The following MAP3K4 variants were observed in gnomAD, a reference collection of about 807,000 sequenced individuals.
MAP3K4 encodes mitogen-activated protein kinase kinase kinase 4, also known as MAP three kinase 1.
In MAP3K4, 67 loss-of-function variants were observed where a neutral mutation model predicts 185.6. The observed-to-expected ratio is 0.36, with a 90% CI of 0.30 to 0.44. MAP3K4 has a LOEUF of 0.44. Among genes scored for constraint, MAP3K4 ranks in the 20% least tolerant of loss-of-function variants. MAP3K4 has a pLI of 1.00. For synonymous variants in MAP3K4, 702 were observed against 710.4 expected, an observed-to-expected ratio of 0.99 and a Z score of 0.19; for missense variants, 1,551 against 1,995.1, an observed-to-expected ratio of 0.78 and a Z score of 4.24.
intron 1 of MAP3K4, among the ~76,000 whole-genome samples, chr6:161,012,910 T>C (rs1023750524): frequency 1.3e-5 from 2 of 152,174 alleles, no homozygotes; most frequent in African/African-American, 4.8e-5. Context: ...AATGGTCCCA[T>C]CATATTTCAT....
intron 2 of MAP3K4, among the ~76,000 whole-genome samples, chr6:161,036,968 G>A (rs1365828350): frequency 6.6e-6 from 1 of 152,182 alleles, no homozygotes; most frequent in Non-Finnish European, 1.5e-5. Flanking sequence ...CTTTAAACCT[G>A]TACTTATTTT....
rs1583198852 is a variant in MAP3K4 at position 161,074,816 on chromosome 6, C to T, written c.2097+1204C>T. 6.6e-6 allele frequency among the ~76,000 whole-genome samples: 1 copy of T among 152,198 alleles called. No individual in the cohort carries two copies. Among genetic ancestry groups the T allele is most frequent in the Admixed American group, 6.5e-5 (1 of 15,282 alleles). Reference sequence around the variant, plus strand: ...GGCTGCAGCACCTACAGATACCACTCTCACTTTCTAAGCGGGAAGAAAAGG... The same window carrying T: ...GGCTGCAGCACCTACAGATACCACTTTCACTTTCTAAGCGGGAAGAAAAGG... On this transcript the variant is annotated intron_variant, in intron 5 of 26. Coordinates refer to ENST00000392142, the MANE Select transcript of MAP3K4 (RefSeq NM_005922.4). The surrounding 1 kb of genome is among the most constrained non-coding windows in gnomAD (Gnocchi z 5.0).
intron 3 of MAP3K4, among the ~76,000 whole-genome samples, chr6:161,065,645 A>G (rs906566714): frequency 6.6e-6 from 1 of 152,182 alleles, no homozygotes; most frequent in Non-Finnish European, 1.5e-5. Context: ...TTCGGATTTT[A>G]GAATATTTGT....
intron 1 of MAP3K4, chr6:160,992,385 C>T (rs1780766613): frequency 1.8e-5 from 8 of 440,954 alleles, no homozygotes; most frequent in Admixed American, 1.3e-4. Flanking sequence ...GAGCAGAGTG[C>T]GGCTGCCTCC....
At chr6:161,002,050 GTT>G (rs77347524) in intron 1 of MAP3K4, among the ~76,000 whole-genome samples, 30 of 112,396 alleles carry the variant, frequency 2.7e-4, no homozygotes, top group South Asian at 1.2e-3. Flanking sequence ...TAAGAAAAAG[GTT>G]TTTTTTTTTT....
At chr6:161,029,066 A>G (rs900464471) in intron 1 of MAP3K4, among the ~76,000 whole-genome samples, 8 of 152,190 alleles carry the variant, frequency 5.3e-5, no homozygotes, top group African/African-American at 1.7e-4. Context: ...CCTTCTGCCT[A>G]TGTCCCTCCT....
chr6:161,080,941 C>T lies in MAP3K4; in HGVS notation c.2158C>T (p.His720Tyr). 2 of 1,614,000 alleles carry T rather than the reference C, an allele frequency of 1.2e-6. No individual in the cohort carries two copies. The highest frequency in any genetic ancestry group is 1.7e-6 in the Non-Finnish European group (2 of 1,179,978). Reference sequence around the variant, plus strand: ...GCTACAGCAATTACCTCAAGCATCGCATAGTTTAAAAAATCTGTTAGAAGA... The same window carrying T: ...GCTACAGCAATTACCTCAAGCATCGTATAGTTTAAAAAATCTGTTAGAAGA... ...QMLQQLPQAS[H>Y]SLKNLLEEEW... Residue 720 changes from histidine (H) to tyrosine (Y), a missense_variant, in exon 6 of 27, where the codon CAT (histidine) becomes TAT (tyrosine). His to Tyr is a moderately conservative substitution (Grantham distance 83, BLOSUM62 2). Around this residue, in one of 16 missense-constraint regions of MAP3K4, gnomAD observed 130 missense variants for 171.3 expected, o/e 0.76. Coordinates refer to ENST00000392142, the MANE Select transcript of MAP3K4 (RefSeq NM_005922.4). This position sits in a 1 kb window ranked among gnomAD's most constrained non-coding sequence, Gnocchi z 4.8.
Position 161,091,683 on chromosome 6 carries a change from C to A in MAP3K4, c.3135+143C>A. On this transcript the variant is annotated intron_variant, in intron 12 of 26. Transcript: ENST00000392142. This position sits in a 1 kb window ranked among gnomAD's most constrained non-coding sequence, Gnocchi z 5.5. ...ATCATCTTATATCACTGCTGTATAT[C>A]AGAGATGTTAGTTTACTTTTAAACT... is the stretch of plus-strand genomic sequence containing the variant. The A allele has an allele frequency of 1.3e-6, 1 of 744,382 alleles. No individual in the cohort carries two copies. Among genetic ancestry groups the A allele is most frequent in the Non-Finnish European group, 2.2e-6 (1 of 460,898 alleles). The allele number at this position is 744,382 out of a possible 1,614,324, so 46.1% of individuals were successfully genotyped here.
chr6:161,111,945 C>T lies in MAP3K4; in HGVS notation c.4506C>T (p.Thr1502=), dbSNP rs1477185003. Residue 1502 remains threonine (T), a synonymous_variant, in exon 24 of 27, where the codon ACC becomes ACT. Coordinates refer to ENST00000392142, the MANE Select transcript of MAP3K4 (RefSeq NM_005922.4). ...AQTMPGEVNS[T]LGTAAYMAPE... is the part of the protein sequence containing the mutation. Reference sequence around the variant, plus strand: ...CCATGCCTGGTGAAGTGAACAGCACCCTGGGGACAGCAGGTAGGGACCAGC... The same window carrying T: ...CCATGCCTGGTGAAGTGAACAGCACTCTGGGGACAGCAGGTAGGGACCAGC... 1.2e-6 allele frequency: 2 copies of T among 1,613,890 alleles called. No individual in the cohort carries two copies.
intron 1 of MAP3K4, among the ~76,000 whole-genome samples, chr6:160,994,701 G>GT (rs910009539): frequency 1.3e-5 from 2 of 151,928 alleles, no homozygotes; most frequent in Non-Finnish European, 2.9e-5. Flanking sequence ...TAGTTTTTAG[G>GT]TTTTTTTAGT....
At position 161,101,320 on chromosome 6, in the gene MAP3K4, C is replaced by T. The variant is rs997870286; in HGVS notation, c.3675-572C>T. The T allele has an allele frequency of 7.2e-5, 11 of 152,104 alleles. No homozygotes were observed. The highest frequency in any genetic ancestry group is 2.7e-4 in the African/African-American group (11 of 41,422). The allele number at this position is 152,104 out of a possible 1,614,324, so 9.4% of individuals were successfully genotyped here. On this transcript the variant is annotated intron_variant, in intron 17 of 26. Transcript: ENST00000392142. This position sits in a 1 kb window ranked among gnomAD's most constrained non-coding sequence, Gnocchi z 5.1. ...TTGAGAAACCTTTAGGTATTCCCTT[C>T]CATTTTCTTACTGAGAGATTTGGAA... is the stretch of plus-strand genomic sequence containing the variant.
In MAP3K4 at chr6:161,008,795, A is replaced by G. The variant is rs56928446; in HGVS notation, c.152+16712A>G. 7.9e-3 allele frequency among the ~76,000 whole-genome samples: 1,207 copies of G among 152,194 alleles called. 14 individuals carry two copies. The highest frequency in any genetic ancestry group is 0.027 in the African/African-American group (1,126 of 41,524). ...ATCCTGACATTTACTGATATTTTAC[A>G]TCTACTACTTTCACTCAGCATGGTG... On this transcript the variant is annotated intron_variant, in intron 1 of 26. Transcript: ENST00000392142. The surrounding 1 kb of genome is among the most constrained non-coding windows in gnomAD (Gnocchi z 4.1).
rs1472651458 is a variant in MAP3K4, at chr6:161,106,826, A to AT, written c.4048+123dup. 1.4e-6 allele frequency: 1 copy of AT among 714,070 alleles called. No homozygotes were observed. The highest frequency in any genetic ancestry group is 2.9e-5 in the East Asian group (1 of 34,006). The allele number at this position is 714,070 out of a possible 1,614,324, so 44.2% of individuals were successfully genotyped here. On this transcript the variant is annotated intron_variant, in intron 20 of 26. Transcript: ENST00000392142. This position sits in a 1 kb window ranked among gnomAD's most constrained non-coding sequence, Gnocchi z 4.9. ...TTTCTTGTAGACATAGCAAGTATGC[A>AT]TTGTTATCTTTTTGCAAAGTGGTCT...
At position 161,056,818 on chromosome 6, in the gene MAP3K4, C is replaced by G. The variant is rs116271577; in HGVS notation, c.1707+6839C>G. Among the ~76,000 whole-genome samples the G allele has an allele frequency of 6.7e-4, 102 of 152,278 alleles. No individual in the cohort carries two copies. Among genetic ancestry groups the G allele is most frequent in the African/African-American group, 2.4e-3 (101 of 41,546 alleles). On this transcript the variant is annotated intron_variant, in intron 3 of 26. Transcript: ENST00000392142. This position sits in a 1 kb window ranked among gnomAD's most constrained non-coding sequence, Gnocchi z 5.4. ...ATTTAATTAGATTCATTTATTTCAT[C>G]TGCGTTGCATCCTGGGATCCTCCAA... is the stretch of plus-strand genomic sequence containing the variant.
At chr6:160,999,441 T>C (rs1170101224) in intron 1 of MAP3K4, among the ~76,000 whole-genome samples, 1 of 152,246 alleles carries the variant, frequency 6.6e-6, no homozygotes, top group Non-Finnish European at 1.5e-5. Flanking sequence ...GTTAAGTATT[T>C]AGTTCTTACT....
In MAP3K4 at chr6:161,084,914, A is replaced by C. The variant is rs1318677055; in HGVS notation, c.2372+297A>C. ...GTAATCCCAGTACTTTGGGAGGCCG[A>C]GGTGGGTGAATCACCAGGTCAGGAG... On this transcript the variant is annotated intron_variant, in intron 7 of 26. Coordinates refer to ENST00000392142, the MANE Select transcript of MAP3K4 (RefSeq NM_005922.4). The surrounding 1 kb of genome is among the most constrained non-coding windows in gnomAD (Gnocchi z 4.6). Among the ~76,000 whole-genome samples, 2 of 152,188 alleles carry C rather than the reference A, an allele frequency of 1.3e-5. No individual in the cohort carries two copies. The highest frequency in any genetic ancestry group is 2.9e-5 in the Non-Finnish European group (2 of 68,032).
chr6:161,097,283 T>A lies in MAP3K4; in HGVS notation c.3524+107T>A. 1.1e-6 allele frequency: 1 copy of A among 903,792 alleles called. No individual in the cohort carries two copies. The allele number at this position is 903,792 out of a possible 1,614,324, so 56.0% of individuals were successfully genotyped here. ...TGCTCTGAGAGCTAAATACCTTTTC[T>A]GCATTGTTCGTACGTAAAAGCTCTT... On this transcript the variant is annotated intron_variant, in intron 16 of 26. Coordinates refer to ENST00000392142, the MANE Select transcript of MAP3K4 (RefSeq NM_005922.4). This position sits in a 1 kb window ranked among gnomAD's most constrained non-coding sequence, Gnocchi z 4.9.
rs138686807 is a variant in MAP3K4 at position 161,034,330 on chromosome 6, C to A, written c.224C>A (p.Thr75Lys). 2 of 1,613,900 alleles carry A rather than the reference C, an allele frequency of 1.2e-6. No individual in the cohort carries two copies. The highest frequency in any genetic ancestry group is 3.3e-5 in the Admixed American group (2 of 60,010). Residue 75 changes from threonine (T) to lysine (K), a missense_variant, in exon 2 of 27, where the codon ACA becomes AAA. By Grantham distance (78) the Thr-to-Lys change is moderately conservative. This residue lies in a region of MAP3K4 where 287 missense variants were observed against 268.8 expected (regional missense o/e 1.07). Transcript: ENST00000392142. This position sits in a 1 kb window ranked among gnomAD's most constrained non-coding sequence, Gnocchi z 4.4. ...GATCTAGAAGACTTCTCCGATGAAA[C>A]AAATACAGAGAATCTTTATGGTACC... The part of the protein sequence containing the change: ...ESDLEDFSDE[T>K]NTENLYGTSP...
chr6:161,091,978 TTAATGTTGATATACATGA>T lies in MAP3K4; in HGVS notation c.3136-31_3136-14del, dbSNP rs1410842698. On this transcript the variant is annotated splice_polypyrimidine_tract_variant and intron_variant, in intron 12 of 26. Transcript: ENST00000392142. The surrounding 1 kb of genome is among the most constrained non-coding windows in gnomAD (Gnocchi z 5.5). ...GTGATATTATTTAATGATCATTTCC[TTAATGTTGATATACATGA>T]AATCTTCTTACAGTATCATAAAGAA... is the stretch of plus-strand genomic sequence containing the variant. 1 of 1,575,608 alleles carries T rather than the reference TTAATGTTGATATACATGA, an allele frequency of 6.3e-7. No individual in the cohort carries two copies. The highest frequency in any genetic ancestry group is 1.7e-5 in the Admixed American group (1 of 59,874).
Sources: allele counts gnomAD v4.1 joint callset (sites outside exome capture counted in the v4.1 genomes callset), GRCh38; gene constraint gnomAD v4.1.1; regional missense constraint gnomAD v4.1.1; non-coding constraint Gnocchi (gnomAD v3.1); transcripts MANE v1.5; gene names NCBI Gene and HGNC (gene_info 2026-07-23, HGNC 2026-07-21).